Variants in SV2B observed in about 807,000 individuals in gnomAD.
SV2B encodes solute carrier family 22 member B2.
In SV2B, 41 loss-of-function variants were observed where a neutral mutation model predicts 73.9. That is an observed-to-expected ratio of 0.56 (90% CI 0.43 to 0.72). The LOEUF (loss-of-function observed/expected upper bound fraction) is 0.72, where lower values mean the gene tolerates loss of function less well. Among genes scored for constraint, SV2B ranks in the 30% least tolerant of loss-of-function variants. The pLI, the probability that SV2B is intolerant of heterozygous loss-of-function variation, is 0.00. For synonymous variants in SV2B, 314 were observed against 314.2 expected (o/e 1.00, Z 0.01); for missense variants, 764 against 857.8 (o/e 0.89, Z 1.37).
intron 2 of SV2B, among the ~76,000 whole-genome samples, chr15:91,250,847 G>C (rs2047454984): frequency 6.6e-6 from 1 of 152,122 alleles, no homozygotes; most frequent in Admixed American, 6.5e-5. Context: ...TTTATGAATA[G>C]AAAGAATTAA....
chr15:91,183,352 G>A (rs2044655989), intron 1 of SV2B, among the ~76,000 whole-genome samples: 1 of 152,164 alleles, frequency 6.6e-6, no homozygotes, highest in Admixed American at 6.5e-5. Context: ...ATGAAGTAGA[G>A]AATCAAAATG....
chr15:91,119,020 G>A (rs904448898), intron 1 of SV2B, among the ~76,000 whole-genome samples: 9 of 152,136 alleles, frequency 5.9e-5, no homozygotes, highest in African/African-American at 2.2e-4. Context: ...CTAATCCTCA[G>A]CTTCTGTCTG....
chr15:91,287,945 C>T (rs973104053), intron 11 of SV2B, among the ~76,000 whole-genome samples: 1 of 152,198 alleles, frequency 6.6e-6, no homozygotes, highest in African/African-American at 2.4e-5. Context: ...CTGGGAGGAA[C>T]TGGGGTCTTG....
chr15:91,114,656 G>C (rs1304189564), intron 1 of SV2B, among the ~76,000 whole-genome samples: 1 of 152,166 alleles, frequency 6.6e-6, no homozygotes, highest in Non-Finnish European at 1.5e-5. Context: ...GGAGGTAACT[G>C]TTTTCTTGCA....
intron 1 of SV2B, among the ~76,000 whole-genome samples, chr15:91,194,994 G>A (rs1389736369): frequency 1.0e-4 from 14 of 137,656 alleles, no homozygotes; most frequent in Admixed American, 9.6e-4. Flanking sequence ...TGAAGGCATG[G>A]AGCAGGGCCT....
In SV2B at chr15:91,289,532, CT is replaced by C; in HGVS notation, c.1721del (p.Leu574GlnfsTer19). 6.2e-7 allele frequency: 1 copy of C among 1,614,238 alleles called. No individual in the cohort carries two copies. The highest frequency in any genetic ancestry group is 8.5e-7 in the Non-Finnish European group (1 of 1,180,040). On this transcript the variant is annotated frameshift_variant, in exon 12 of 13. Coordinates refer to ENST00000394232, the MANE Select transcript of SV2B (RefSeq NM_001323032.3). LOFTEE classifies it high-confidence loss of function. This position sits in a 1 kb window ranked among gnomAD's most constrained non-coding sequence, Gnocchi z 4.9. ...AACTCCCTCTGCAGGTGGCTCCATG[CT>C]AATCTCTGCAGTCTGCTGCTTCTTC... ...GRLKMIGGSM[L>X]ISAVCCFFLF...
chr15:91,266,058 G>A (rs1419375204), intron 6 of SV2B, among the ~76,000 whole-genome samples: 3 of 152,180 alleles, frequency 2.0e-5, no homozygotes, highest in Admixed American at 1.3e-4. Flanking sequence ...CAGGAGAATC[G>A]TTTGAACCTG....
chr15:91,149,408 T>G (rs919384823), intron 1 of SV2B, among the ~76,000 whole-genome samples: 2 of 152,200 alleles, frequency 1.3e-5, no homozygotes, highest in East Asian at 3.8e-4. Context: ...TTTAAAAAAT[T>G]AAGAGCTGGT....
Position 91,214,414 on chromosome 15 carries a change from G to A in SV2B, c.-391-11459G>A, listed in dbSNP as rs1456000963. ...ATATAACAATAGCTATTTTTATTGA[G>A]CTCTTTCTTGGTGATGGACACTGTG... On this transcript the variant is annotated intron_variant, in intron 1 of 12. Transcript: ENST00000394232. The surrounding 1 kb of genome is among the most constrained non-coding windows in gnomAD (Gnocchi z 4.7). 1.3e-5 allele frequency among the ~76,000 whole-genome samples: 2 copies of A among 152,186 alleles called. No homozygotes were observed. Among genetic ancestry groups the A allele is most frequent in the Admixed American group, 6.5e-5 (1 of 15,274 alleles).
chr15:91,248,605 G>C (rs765590199), intron 2 of SV2B, among the ~76,000 whole-genome samples: 2 of 152,236 alleles, frequency 1.3e-5, no homozygotes, highest in Non-Finnish European at 2.9e-5. Context: ...GAGATCTTTG[G>C]GTTCCAAGGC....
In SV2B at chr15:91,236,289, CAT is replaced by C. The variant is rs924863389; in HGVS notation, c.451+9578_451+9579del. On this transcript the variant is annotated intron_variant, in intron 2 of 12. Coordinates refer to ENST00000394232, the MANE Select transcript of SV2B (RefSeq NM_001323032.3). This position sits in a 1 kb window ranked among gnomAD's most constrained non-coding sequence, Gnocchi z 4.1. The stretch of plus-strand genomic sequence containing the variant: ...CCAATTTGCTAATTATCAGAATAAA[CAT>C]ATGTTATTTATTTATTTGTATTGAT... Among the ~76,000 whole-genome samples the C allele has an allele frequency of 1.3e-5, 2 of 152,096 alleles. No individual in the cohort carries two copies. Among genetic ancestry groups the C allele is most frequent in the African/African-American group, 4.8e-5 (2 of 41,414 alleles).
Position 91,289,700 on chromosome 15 carries a change from T to C in SV2B, c.1868+20T>C. ...CCAGAGGTCAGTTCTTCCCCAGGCT[T>C]TCCTCAGGGACTTGTTTGGGCTTCT... On this transcript the variant is annotated intron_variant, in intron 12 of 12. Coordinates refer to ENST00000394232, the MANE Select transcript of SV2B (RefSeq NM_001323032.3). The surrounding 1 kb of genome is among the most constrained non-coding windows in gnomAD (Gnocchi z 4.9). 1.2e-6 allele frequency: 2 copies of C among 1,607,622 alleles called. No homozygotes were observed. The highest frequency in any genetic ancestry group is 8.5e-7 in the Non-Finnish European group (1 of 1,176,772).
Position 91,258,013 on chromosome 15 carries a change from G to C in SV2B, c.785-408G>C, listed in dbSNP as rs968893349. ...GGACTTCTAGCTTGTTGCTTGTCAA[G>C]GCAGGCAAATAGAATATGTTTCCTT... On this transcript the variant is annotated intron_variant, in intron 4 of 12. Transcript: ENST00000394232. This position sits in a 1 kb window ranked among gnomAD's most constrained non-coding sequence, Gnocchi z 4.7. Among the ~76,000 whole-genome samples, 3 of 152,166 alleles carry C rather than the reference G, an allele frequency of 2.0e-5. No individual in the cohort carries two copies. The highest frequency in any genetic ancestry group is 2.0e-4 in the Admixed American group (3 of 15,282).
At chr15:91,249,616 G>C (rs1402116395) in intron 2 of SV2B, among the ~76,000 whole-genome samples, 2 of 152,072 alleles carry the variant, frequency 1.3e-5, no homozygotes, top group African/African-American at 4.8e-5. Flanking sequence ...AAAACTGACA[G>C]ACTTTTAGCT....
In SV2B at chr15:91,283,130, C is replaced by T. The variant is rs188067456; in HGVS notation, c.1508-891C>T. 6.6e-6 allele frequency among the ~76,000 whole-genome samples: 1 copy of T among 152,322 alleles called. No homozygotes were observed. Among genetic ancestry groups the T allele is most frequent in the Admixed American group, 6.5e-5 (1 of 15,312 alleles). ...TAAAGAGGGTCAGCAGCAGGGCCAG[C>T]TCCCCAAACGCAGGTTTCTAGGGAG... On this transcript the variant is annotated intron_variant, in intron 10 of 12. Coordinates refer to ENST00000394232, the MANE Select transcript of SV2B (RefSeq NM_001323032.3). The surrounding 1 kb of genome is among the most constrained non-coding windows in gnomAD (Gnocchi z 4.3).
chr15:91,232,392 C>G lies in SV2B; in HGVS notation c.451+5678C>G, dbSNP rs1315382866. On this transcript the variant is annotated intron_variant, in intron 2 of 12. Coordinates refer to ENST00000394232, the MANE Select transcript of SV2B (RefSeq NM_001323032.3). The surrounding 1 kb of genome is among the most constrained non-coding windows in gnomAD (Gnocchi z 4.7). ...AGAATAGACTTAAAATGAAGGGCTC[C>G]CTTAGCAGACGTACACGGATTGCTG... is the stretch of plus-strand genomic sequence containing the variant. Among the ~76,000 whole-genome samples, 1 of 152,108 alleles carries G rather than the reference C, an allele frequency of 6.6e-6. No homozygotes were observed. The highest frequency in any genetic ancestry group is 2.4e-5 in the African/African-American group (1 of 41,430).
In SV2B at chr15:91,245,893, A is replaced by G. The variant is rs1255471808; in HGVS notation, c.452-5926A>G. ...TTTAAAGGGTTGTAAATTTAGGAATAATAATATGATGTGACAGAGACCATA... is the reference window on the plus strand; with the variant it reads ...TTTAAAGGGTTGTAAATTTAGGAATGATAATATGATGTGACAGAGACCATA... On this transcript the variant is annotated intron_variant, in intron 2 of 12. Transcript: ENST00000394232. This position sits in a 1 kb window ranked among gnomAD's most constrained non-coding sequence, Gnocchi z 4.2. 2.6e-5 allele frequency among the ~76,000 whole-genome samples: 4 copies of G among 152,244 alleles called. No individual in the cohort carries two copies. In the East Asian group the frequency reaches 7.7e-4, roughly 29 times the overall value.
rs1000457717 is a variant in SV2B at position 91,239,783 on chromosome 15, G to T, written c.452-12036G>T. ...TATTGATCAAGAATTTTCAAAGTAG[G>T]TGGTACCAGAGTTGGTTCGATGACT... On this transcript the variant is annotated intron_variant, in intron 2 of 12. Transcript: ENST00000394232. The surrounding 1 kb of genome is among the most constrained non-coding windows in gnomAD (Gnocchi z 5.1). Among the ~76,000 whole-genome samples the T allele has an allele frequency of 6.6e-6, 1 of 152,158 alleles. No homozygotes were observed.
At chr15:91,278,641 T>TACAGTCC (rs1555496255) in intron 9 of SV2B, among the ~76,000 whole-genome samples, 1 of 92,772 alleles carries the variant, frequency 1.1e-5, no homozygotes, top group African/African-American at 6.4e-5. Flanking sequence ...ATTGCGCCAC[T>TACAGTCC]GCAGTCCGGC....
Sources: gnomAD v4.1 joint callset for allele counts (sites outside exome capture counted in the v4.1 genomes callset) on GRCh38, gnomAD v4.1.1 for gene constraint, Gnocchi (gnomAD v3.1) non-coding constraint, MANE v1.5 for transcripts, NCBI Gene and HGNC (gene_info 2026-07-23, HGNC 2026-07-21) for gene names.